The following SLC9A9 variants were observed in gnomAD, a reference collection of about 807,000 sequenced individuals.
The protein encoded by SLC9A9 is sodium/hydrogen exchanger 9.
Under a neutral mutation model 77.8 loss-of-function variants are expected in SLC9A9, and 62 were observed. That is an observed-to-expected ratio of 0.80 (90% confidence interval 0.65 to 0.98). The LOEUF is 0.98. SLC9A9 is among the 50% of genes least tolerant of loss of function. SLC9A9 has a pLI of 0.00. For synonymous variants in SLC9A9, 320 were observed against 283.5 expected (o/e 1.13, Z -1.29); for missense variants, 775 against 774.9 (o/e 1.00, Z 0.00).
At chr3:143,616,364 A>G (rs1457128364) in intron 6 of SLC9A9, among the ~76,000 whole-genome samples, 1 of 152,202 alleles carries the variant, frequency 6.6e-6, no homozygotes, top group Non-Finnish European at 1.5e-5. Flanking sequence ...AAATTGAAGG[A>G]GGAGAAAGCT....
intron 14 of SLC9A9, among the ~76,000 whole-genome samples, chr3:143,271,613 G>C (rs760755807): frequency 1.3e-5 from 2 of 152,142 alleles, no homozygotes; most frequent in Non-Finnish European, 2.9e-5. Flanking sequence ...CCAGATTCAT[G>C]GACTACTAAG....
At chr3:143,408,712 C>A (rs2108517884) in intron 12 of SLC9A9, among the ~76,000 whole-genome samples, 1 of 152,180 alleles carries the variant, frequency 6.6e-6, no homozygotes, top group South Asian at 2.1e-4. Flanking sequence ...TCAGCTAATG[C>A]AAAGAGACAA....
chr3:143,567,234 G>A (rs1017213915), intron 8 of SLC9A9, among the ~76,000 whole-genome samples: 1 of 152,078 alleles, frequency 6.6e-6, no homozygotes, highest in Non-Finnish European at 1.5e-5. Flanking sequence ...TTAGCAGTAA[G>A]GAAAATAGAG....
chr3:143,501,125 A>G (rs1162245134), intron 9 of SLC9A9, among the ~76,000 whole-genome samples: 1 of 150,742 alleles, frequency 6.6e-6, no homozygotes, highest in Admixed American at 6.6e-5. Flanking sequence ...GGGAAATTTT[A>G]TAAGAATTGT....
At chr3:143,268,607 C>G (rs113227800) in intron 15 of SLC9A9, among the ~76,000 whole-genome samples, 21,381 of 151,738 alleles carry the variant, frequency 0.14, 1,702 homozygotes, top group East Asian at 0.27. Context: ...GTGGCAGGCG[C>G]CTGTAGTCCC....
chr3:143,740,330 C>A (rs1228931922), intron 4 of SLC9A9, among the ~76,000 whole-genome samples: 1 of 152,130 alleles, frequency 6.6e-6, no homozygotes, highest in East Asian at 1.9e-4. Flanking sequence ...GTAGGACTTT[C>A]AATGAGCAAT....
At chr3:143,502,945 T>A (rs1255784516) in intron 9 of SLC9A9, among the ~76,000 whole-genome samples, 1 of 152,208 alleles carries the variant, frequency 6.6e-6, no homozygotes, top group Non-Finnish European at 1.5e-5. Flanking sequence ...CATAGCTATT[T>A]TGAACAAAGC....
chr3:143,558,497 G>A (rs1375022975), intron 8 of SLC9A9, among the ~76,000 whole-genome samples: 7 of 152,204 alleles, frequency 4.6e-5, no homozygotes, highest in Admixed American at 1.3e-4. Context: ...GTCCAAGGCT[G>A]TGGGAGCCCA....
chr3:143,686,615 T>C (rs1289671852), intron 5 of SLC9A9, among the ~76,000 whole-genome samples: 1 of 152,074 alleles, frequency 6.6e-6, no homozygotes, highest in Admixed American at 6.5e-5. Flanking sequence ...TCTCCACATA[T>C]CTTTACACAC....
At chr3:143,759,791 C>A (rs2007054181) in intron 4 of SLC9A9, among the ~76,000 whole-genome samples, 1 of 152,080 alleles carries the variant, frequency 6.6e-6, no homozygotes, top group Non-Finnish European at 1.5e-5. Context: ...CTTTCAACAG[C>A]ATTTTCTGTT....
At chr3:143,620,615 GAA>G (rs2038188853) in intron 6 of SLC9A9, 1 of 152,588 alleles carries the variant, frequency 6.6e-6, no homozygotes, top group Non-Finnish European at 1.5e-5. Context: ...ACCAGCCTTT[GAA>G]AAAGGAGAAA....
intron 5 of SLC9A9, among the ~76,000 whole-genome samples, chr3:143,673,664 A>T (rs1424762346): frequency 1.3e-5 from 2 of 151,982 alleles, no homozygotes; most frequent in Non-Finnish European, 2.9e-5. Context: ...TTATTCTATC[A>T]GAGGAACTAT....
At position 143,437,197 on chromosome 3, in the gene SLC9A9, C is replaced by T. The variant is rs80133991; in HGVS notation, c.1469+29840G>A. 8.1e-3 allele frequency among the ~76,000 whole-genome samples: 1,231 copies of T among 152,356 alleles called. 17 individuals are homozygous for T. The highest frequency in any genetic ancestry group is 0.029 in the African/African-American group (1,188 of 41,572). ...CTCCATACATTTTGAATGAATGAAT[C>T]ACAGACTGCACTGGAAGAGACACTG... is the stretch of plus-strand genomic sequence containing the variant. On this transcript the variant is annotated intron_variant, in intron 12 of 15. Transcript: ENST00000316549.
chr3:143,786,400 A>AT (rs527605707), intron 4 of SLC9A9, among the ~76,000 whole-genome samples: 463 of 151,730 alleles, frequency 3.1e-3, no homozygotes, highest in African/African-American at 9.8e-3. Flanking sequence ...GACTTGCTTC[A>AT]TTTTCTCTCC....
At chr3:143,377,875 C>A (rs1021760) in intron 13 of SLC9A9, among the ~76,000 whole-genome samples, 7 of 152,220 alleles carry the variant, frequency 4.6e-5, no homozygotes, top group Non-Finnish European at 7.4e-5. Flanking sequence ...CCGCTCCCAC[C>A]TTGCTTACTC....
At chr3:143,794,055 A>G (rs1470493373) in intron 4 of SLC9A9, among the ~76,000 whole-genome samples, 1 of 152,200 alleles carries the variant, frequency 6.6e-6, no homozygotes, top group Non-Finnish European at 1.5e-5. Context: ...TCTAGGCTCA[A>G]CTCAAAAGAA....
chr3:143,699,270 A>C (rs1216016755), intron 4 of SLC9A9, among the ~76,000 whole-genome samples: 1 of 152,234 alleles, frequency 6.6e-6, no homozygotes, highest in Non-Finnish European at 1.5e-5. Context: ...GCAAGACGGT[A>C]GAACAGAAGG....
At chr3:143,743,547 G>T (rs1935135211) in intron 4 of SLC9A9, among the ~76,000 whole-genome samples, 1 of 152,182 alleles carries the variant, frequency 6.6e-6, no homozygotes, top group Admixed American at 6.5e-5. Flanking sequence ...AACTTCAGGA[G>T]AGAGAGGAAA....
chr3:143,281,321 A>G (rs980550004), intron 14 of SLC9A9, among the ~76,000 whole-genome samples: 2 of 152,190 alleles, frequency 1.3e-5, no homozygotes, highest in Admixed American at 1.3e-4. Flanking sequence ...AGAGTTTAGA[A>G]ATGTTTACCA....
Sources: allele counts gnomAD v4.1 joint callset (sites outside exome capture counted in the v4.1 genomes callset), GRCh38; gene constraint gnomAD v4.1.1; transcripts MANE v1.5; gene names NCBI Gene and HGNC (gene_info 2026-07-23, HGNC 2026-07-21).